Variants in PUS7 observed in about 807,000 individuals in gnomAD.
PUS7 encodes pseudouridylate synthase 7 homolog.
In PUS7, 48 loss-of-function variants were observed where a neutral mutation model predicts 79.8. The observed-to-expected ratio is 0.60, with a 90% CI of 0.48 to 0.76. The LOEUF is 0.76. Among genes scored for constraint, PUS7 ranks in the 30% least tolerant of loss-of-function variants. The pLI, the probability that PUS7 is intolerant of heterozygous loss-of-function variation, is 0.00. For synonymous variants in PUS7, 286 were observed against 272.2 expected, an observed-to-expected ratio of 1.05 and a Z score of -0.50; for missense variants, 729 against 797.6, an observed-to-expected ratio of 0.91 and a Z score of 1.04.
intron 1 of PUS7, among the ~76,000 whole-genome samples, chr7:105,518,483 G>C (rs555330227): frequency 8.9e-4 from 133 of 148,680 alleles, no homozygotes; most frequent in African/African-American, 3.1e-3. Flanking sequence ...GTTCAATGCA[G>C]CCTCGACCTC....
chr7:105,458,052 G>T (rs1342394262), intron 15 of PUS7, 126 bp from the exon 16 acceptor site: 2 of 1,064,202 alleles, frequency 1.9e-6, no homozygotes, highest in Non-Finnish European at 2.6e-6. Flanking sequence ...TTCCTAGGGG[G>T]CCTTGGAGAA....
At position 105,508,145 on chromosome 7, in the gene PUS7, T is replaced by C; in HGVS notation, c.368A>G (p.His123Arg). 6.2e-7 allele frequency: 1 copy of C among 1,611,856 alleles called. No homozygotes were observed. The highest frequency in any genetic ancestry group is 1.3e-5 in the African/African-American group (1 of 74,996). The change falls in exon 2 of 16, where the codon CAT becomes CGT. Residue 123 changes from histidine to arginine, a missense_variant. By Grantham distance (29) the His-to-Arg change is conservative. Transcript: ENST00000469408. Reference sequence around the variant, plus strand: ...TTTTAAGATTCCCGAGAACCCTTGATGAGAACTCACAAACTTGGTGATGCC... The same window carrying C: ...TTTTAAGATTCCCGAGAACCCTTGACGAGAACTCACAAACTTGGTGATGCC... ...DVGITKFVSS[H>R]QGFSGILKER...
At chr7:105,482,167 T>G (rs1824349406) in intron 8 of PUS7, 145 bp downstream of exon 8, 2 of 938,228 alleles carry the variant, frequency 2.1e-6, no homozygotes, top group Non-Finnish European at 3.2e-6. Context: ...CTCCCAGCCC[T>G]GCCAGGCCCT....
At chr7:105,510,037 A>T (rs1055354804) in intron 1 of PUS7, among the ~76,000 whole-genome samples, 9 of 152,294 alleles carry the variant, frequency 5.9e-5, no homozygotes, top group Admixed American at 5.2e-4. Context: ...TCGGTGGCTC[A>T]CACCTGTAAT....
At position 105,481,122 on chromosome 7, in the gene PUS7, T is replaced by C; in HGVS notation, c.1105A>G (p.Ile369Val). Reference sequence around the variant, plus strand: ...ATTCCATAGTAGTTAATAAATCCAATCTCCTTGAGAGAGTTCATAGCTTGC... The same window carrying C: ...ATTCCATAGTAGTTAATAAATCCAACCTCCTTGAGAGAGTTCATAGCTTGC... ...VQQAMNSLKE[I>V]GFINYYGMQR... The change falls in exon 9 of 16, where the codon ATT becomes GTT. Residue 369 changes from isoleucine to valine, a missense_variant. By Grantham distance (29) the Ile-to-Val change is conservative. Coordinates refer to ENST00000469408, the MANE Select transcript of PUS7 (RefSeq NM_019042.5). 6.2e-7 allele frequency: 1 copy of C among 1,612,634 alleles called. No homozygotes were observed. The highest frequency in any genetic ancestry group is 8.5e-7 in the Non-Finnish European group (1 of 1,179,028).
intron 7 of PUS7, among the ~76,000 whole-genome samples, chr7:105,483,133 A>G (rs1824395170): frequency 6.6e-6 from 1 of 151,766 alleles, no homozygotes. Context: ...TCCCCTTTTT[A>G]TCTCTAGTGT....
chr7:105,517,117 G>T (rs569320346), intron 1 of PUS7, among the ~76,000 whole-genome samples: 2 of 151,746 alleles, frequency 1.3e-5, no homozygotes, highest in Admixed American at 6.6e-5. Flanking sequence ...ACCAGGAAGA[G>T]AATGAACTCC....
chr7:105,503,085 C>T (rs757565579), intron 4 of PUS7, among the ~76,000 whole-genome samples: 3 of 152,178 alleles, frequency 2.0e-5, no homozygotes, highest in Non-Finnish European at 4.4e-5. Flanking sequence ...CTGTACAAAG[C>T]ACTGTGGTCA....
At chr7:105,486,260 C>T (rs564419574) in intron 7 of PUS7, among the ~76,000 whole-genome samples, 1 of 151,838 alleles carries the variant, frequency 6.6e-6, no homozygotes, top group Non-Finnish European at 1.5e-5. Context: ...ACCATGTTGG[C>T]AAGGCTGGTC....
At chr7:105,516,400 T>A (rs933954144) in intron 1 of PUS7, among the ~76,000 whole-genome samples, 1 of 151,886 alleles carries the variant, frequency 6.6e-6, no homozygotes. Context: ...CTCAAACTAG[T>A]GTCATTTTCG....
chr7:105,506,160 G>C, intron 3 of PUS7, 29 bp downstream of exon 3: 1 of 1,582,404 alleles, frequency 6.3e-7, no homozygotes, highest in Non-Finnish European at 8.6e-7. Context: ...TTATACAGAA[G>C]GTGACATTTG....
Position 105,457,807 on chromosome 7 carries a change from T to C in PUS7, c.1969A>G (p.Thr657Ala), listed in dbSNP as rs765217571. 2 of 1,613,984 alleles carry C rather than the reference T, an allele frequency of 1.2e-6. No individual in the cohort carries two copies. The highest frequency in any genetic ancestry group is 1.7e-5 in the Admixed American group (1 of 59,996). The change falls in exon 16 of 16, where the codon ACA (threonine) becomes GCA (alanine). Residue 657 changes from threonine to alanine, a missense_variant. Transcript: ENST00000469408. Reference sequence around the variant, plus strand: ...GGTACTGCTCAGCGAAGCCAGGTTGTATTCAGCTGCGTCTGGTTCTTGATA... The same window carrying C: ...GGTACTGCTCAGCGAAGCCAGGTTGCATTCAGCTGCGTCTGGTTCTTGATA... Reference protein sequence around the residue: ...TSIKNQTQLNTTWLR With the variant: ...TSIKNQTQLNATWLR
chr7:105,505,008 T>C (rs1247762780), intron 4 of PUS7, among the ~76,000 whole-genome samples: 1 of 150,666 alleles, frequency 6.6e-6, no homozygotes, highest in Non-Finnish European at 1.5e-5. Flanking sequence ...ACATAATTTT[T>C]TTTTTTTTTT....
chr7:105,481,699 T>A (rs574054551), intron 8 of PUS7, among the ~76,000 whole-genome samples: 12 of 152,062 alleles, frequency 7.9e-5, no homozygotes, highest in African/African-American at 2.9e-4. Context: ...ATTTGCCTAT[T>A]CTAGGCGCTT....
At position 105,508,342 on chromosome 7, in the gene PUS7, G is replaced by A. The variant is rs200993016; in HGVS notation, c.171C>T (p.Asp57=). The change falls in exon 2 of 16, where the codon GAC becomes GAT. Residue 57 remains aspartate (D), a synonymous_variant. Coordinates refer to ENST00000469408, the MANE Select transcript of PUS7 (RefSeq NM_019042.5). ...LQNDFLSISE[D]VPRPPDTVST... ...TGACAGTGTCAGGAGGCCGAGGCAC[G>A]TCTTCACTGATGGACAGAAAGTCAT... 31 of 1,614,104 alleles carry A rather than the reference G, an allele frequency of 1.9e-5. No individual in the cohort carries two copies. Among genetic ancestry groups the A allele is most frequent in the East Asian group, 1.1e-4 (5 of 44,870 alleles).
chr7:105,490,932 A>G (rs1824755387), intron 7 of PUS7, among the ~76,000 whole-genome samples: 1 of 152,180 alleles, frequency 6.6e-6, no homozygotes, highest in Non-Finnish European at 1.5e-5. Context: ...ATGCTGCAAA[A>G]CATCCTGCAA....
intron 6 of PUS7, among the ~76,000 whole-genome samples, chr7:105,493,604 G>A (rs974973933): frequency 2.6e-5 from 4 of 152,282 alleles, no homozygotes; most frequent in South Asian, 2.1e-4. Context: ...TTTGGAGATA[G>A]GGCCTTCAAA....
chr7:105,520,582 C>T (rs1339224590), intron 1 of PUS7, among the ~76,000 whole-genome samples: 1 of 151,764 alleles, frequency 6.6e-6, no homozygotes, highest in Non-Finnish European at 1.5e-5. Flanking sequence ...ATTAGCTGGG[C>T]ATGGTGGCGT....
In PUS7 at chr7:105,459,165, T is replaced by C; in HGVS notation, c.1849+3A>G. On this transcript the variant is annotated splice_donor_region_variant and intron_variant, in intron 15 of 15. Transcript: ENST00000469408. The stretch of plus-strand genomic sequence containing the variant: ...CACAGAGCTGATGACTGAGTAAACT[T>C]ACCAGAAGCAAAAACTGGTGGTGTC... 1 of 1,594,022 alleles carries C rather than the reference T, an allele frequency of 6.3e-7. No homozygotes were observed. Among genetic ancestry groups the C allele is most frequent in the African/African-American group, 1.3e-5 (1 of 74,506 alleles).
Sources: allele counts gnomAD v4.1 joint callset (sites outside exome capture counted in the v4.1 genomes callset), GRCh38; gene constraint gnomAD v4.1.1; transcripts MANE v1.5; gene names NCBI Gene and HGNC (gene_info 2026-07-23, HGNC 2026-07-21).